Variants in THSD4 observed in about 807,000 individuals in gnomAD.
The protein encoded by THSD4 is thrombospondin type 1 domain containing 4.
THSD4 carries 69 observed loss-of-function variants against 119.0 expected under a neutral mutation model. The ratio of observed to expected loss-of-function variants is 0.58; its 90% CI spans 0.48 to 0.71. THSD4 has a LOEUF of 0.71. Among genes scored for constraint, THSD4 ranks in the 30% least tolerant of loss-of-function variants. The probability of loss-of-function intolerance (pLI) is 0.00; values close to 1 mark genes in which losing one functional copy is unlikely to be tolerated. For synonymous variants in THSD4, 524 were observed against 540.4 expected (o/e 0.97, Z 0.42); for missense variants, 1,393 against 1,391.1 (o/e 1.00, Z -0.02).
chr15:71,534,710 C>T (rs1365325860), intron 7 of THSD4, among the ~76,000 whole-genome samples: 2 of 152,158 alleles, frequency 1.3e-5, no homozygotes, highest in African/African-American at 4.8e-5. Context: ...TATGGCCAGG[C>T]ACGATGTCCT....
chr15:71,599,825 G>A (rs987974251), intron 7 of THSD4, among the ~76,000 whole-genome samples: 6 of 152,174 alleles, frequency 3.9e-5, no homozygotes, highest in African/African-American at 9.7e-5. Flanking sequence ...ACTTTGAGCC[G>A]AAACACTGGG....
At chr15:71,405,289 T>C (rs2046590399) in intron 6 of THSD4, among the ~76,000 whole-genome samples, 1 of 152,256 alleles carries the variant, frequency 6.6e-6, no homozygotes, top group Non-Finnish European at 1.5e-5. Flanking sequence ...TTTATATTAA[T>C]GTAGGTTTTC....
chr15:71,256,639 C>A lies in THSD4; in HGVS notation c.939C>A (p.Ile313=). ...TNVCPESSRS[I]REVQCASYNN... is the part of the protein sequence containing the mutation. The stretch of plus-strand genomic sequence containing the variant: ...TATGTCCAGAAAGCAGTAGAAGTAT[C>A]CGGGAGGTACAGTGTGCATCCTACA... Residue 313 remains isoleucine, a synonymous_variant, in exon 6 of 18, where the codon ATC becomes ATA. Coordinates refer to ENST00000261862, the MANE Select transcript of THSD4 (RefSeq NM_024817.3). 1 of 1,613,900 alleles carries A rather than the reference C, an allele frequency of 6.2e-7. No individual in the cohort carries two copies. The highest frequency in any genetic ancestry group is 8.5e-7 in the Non-Finnish European group (1 of 1,179,934).
chr15:71,241,117 C>T (rs1435865123), intron 4 of THSD4, among the ~76,000 whole-genome samples: 1 of 152,140 alleles, frequency 6.6e-6, no homozygotes, highest in Non-Finnish European at 1.5e-5. Context: ...ACCTTGATTG[C>T]TATTTTAATG....
chr15:71,430,780 A>AG (rs59384367), intron 7 of THSD4, among the ~76,000 whole-genome samples: 24,090 of 132,930 alleles, frequency 0.18, 1,239 homozygotes, highest in Middle Eastern at 0.24. Context: ...AAAAAAAAAA[A>AG]AAAGAGAGTT....
chr15:71,774,376 A>G (rs1358511646), intron 17 of THSD4, among the ~76,000 whole-genome samples: 1 of 152,028 alleles, frequency 6.6e-6, no homozygotes, highest in Non-Finnish European at 1.5e-5. Context: ...CAGAAATGCA[A>G]ATTTTAAAAA....
chr15:71,348,685 A>G (rs72761517), intron 6 of THSD4, among the ~76,000 whole-genome samples: 5,311 of 152,336 alleles, frequency 0.035, 113 homozygotes, highest in South Asian at 0.063. Context: ...TATGCTTCCC[A>G]ATACAAATTG....
intron 7 of THSD4, among the ~76,000 whole-genome samples, chr15:71,488,917 C>A (rs2047867611): frequency 6.6e-6 from 1 of 152,088 alleles, no homozygotes; most frequent in African/African-American, 2.4e-5. Flanking sequence ...TTTATTAATT[C>A]CTTATGCTTC....
intron 6 of THSD4, among the ~76,000 whole-genome samples, chr15:71,354,515 G>GTGGCCAAGAAAGT (rs2045783659): frequency 6.6e-6 from 1 of 152,156 alleles, no homozygotes; most frequent in African/African-American, 2.4e-5. Flanking sequence ...AGTATCTCAT[G>GTGGCCAAGAAAGT]ACCTAAAAAG....
intron 8 of THSD4, among the ~76,000 whole-genome samples, chr15:71,717,084 T>C (rs571181486): frequency 6.6e-6 from 1 of 152,344 alleles, no homozygotes; most frequent in East Asian, 1.9e-4. Flanking sequence ...TGAGCCCTGA[T>C]AAGATACTTT....
At chr15:71,749,035 A>G (rs1007186866) in intron 14 of THSD4, among the ~76,000 whole-genome samples, 3 of 152,248 alleles carry the variant, frequency 2.0e-5, no homozygotes, top group Non-Finnish European at 4.4e-5. Context: ...TCAAAGGCAT[A>G]TATAGTCAAC....
At chr15:71,576,159 A>G (rs1057329091) in intron 7 of THSD4, among the ~76,000 whole-genome samples, 2 of 152,178 alleles carry the variant, frequency 1.3e-5, no homozygotes, top group Non-Finnish European at 1.5e-5. Flanking sequence ...AAATCCATGG[A>G]GCCCTCAAAA....
intron 6 of THSD4, among the ~76,000 whole-genome samples, chr15:71,348,637 A>G (rs929012277): frequency 6.6e-6 from 1 of 152,210 alleles, no homozygotes; most frequent in African/African-American, 2.4e-5. Context: ...TTATAGTCAC[A>G]CCTAATCTAA....
At chr15:71,712,166 C>T (rs1379355820) in intron 8 of THSD4, among the ~76,000 whole-genome samples, 1 of 152,096 alleles carries the variant, frequency 6.6e-6, no homozygotes, top group African/African-American at 2.4e-5. Context: ...TCGCTTTTCT[C>T]ATCATAATGG....
intron 3 of THSD4, among the ~76,000 whole-genome samples, chr15:71,193,156 C>G (rs994748616): frequency 1.3e-5 from 2 of 152,102 alleles, no homozygotes; most frequent in African/African-American, 4.8e-5. Flanking sequence ...CTTTGGAAAT[C>G]TGAGTGTTGG....
chr15:71,520,199 A>G (rs1595851914), intron 7 of THSD4, among the ~76,000 whole-genome samples: 1 of 152,270 alleles, frequency 6.6e-6, no homozygotes, highest in East Asian at 1.9e-4. Flanking sequence ...GTCAGAGTGG[A>G]AAGTTGGAGG....
chr15:71,621,181 C>T (rs966968984), intron 7 of THSD4, among the ~76,000 whole-genome samples: 1 of 152,126 alleles, frequency 6.6e-6, no homozygotes, highest in Non-Finnish European at 1.5e-5. Context: ...ATTTAGATTG[C>T]TGTGAAATAC....
Position 71,666,938 on chromosome 15 carries a change from G to A in THSD4, c.1357+6204G>A, listed in dbSNP as rs73447743. ...AGGAGTGGCCTATGTAGAGCTGGGG[G>A]AAGAGGCCAACTCACCACAATGCTT... On this transcript the variant is annotated intron_variant, in intron 8 of 17. Transcript: ENST00000261862. 3.1e-3 allele frequency among the ~76,000 whole-genome samples: 467 copies of A among 152,334 alleles called. 3 individuals are homozygous for A. The highest frequency in any genetic ancestry group is 0.011 in the African/African-American group (441 of 41,574).
chr15:71,366,101 TCTCA>T (rs1327287079), intron 6 of THSD4, among the ~76,000 whole-genome samples: 4 of 152,040 alleles, frequency 2.6e-5, no homozygotes, highest in African/African-American at 7.2e-5. Context: ...TTAGATGGAG[TCTCA>T]CTCTGTTGCC....
Sources: allele counts gnomAD v4.1 joint callset (sites outside exome capture counted in the v4.1 genomes callset), GRCh38; gene constraint gnomAD v4.1.1; transcripts MANE v1.5; gene names NCBI Gene and HGNC (gene_info 2026-07-23, HGNC 2026-07-21).